Variants in LARGE1 observed in about 807,000 individuals in gnomAD.
The protein encoded by LARGE1 is xylosyl- and glucuronyltransferase LARGE1.
A neutral mutation model predicts 87.6 loss-of-function variants in LARGE1; 43 were observed. That is an observed-to-expected ratio of 0.49 (90% CI 0.38 to 0.63). The LOEUF is 0.63. LARGE1 is among the 30% of genes least tolerant of loss of function. The probability of loss-of-function intolerance (pLI) is 0.00; values close to 1 mark genes in which losing one functional copy is unlikely to be tolerated. For missense variants in LARGE1, 802 were observed against 1,000.2 expected (o/e 0.80, Z 2.67); for synonymous variants, 434 against 394.6 (o/e 1.10, Z -1.18).
chr22:33,226,036 C>G (rs1925716913), intron 11 of LARGE1, among the ~76,000 whole-genome samples: 1 of 152,150 alleles, frequency 6.6e-6, no homozygotes, highest in African/African-American at 2.4e-5. Flanking sequence ...ATGCATGAGT[C>G]TTTATGGTAG....
At chr22:33,751,041 A>G (rs1381626503) in intron 2 of LARGE1, among the ~76,000 whole-genome samples, 2 of 152,240 alleles carry the variant, frequency 1.3e-5, no homozygotes, top group South Asian at 4.1e-4. Context: ...AACCTACAAA[A>G]TCACTTCAAA....
intron 6 of LARGE1, among the ~76,000 whole-genome samples, chr22:33,530,773 A>G (rs2072158862): frequency 6.6e-6 from 1 of 152,230 alleles, no homozygotes; most frequent in African/African-American, 2.4e-5. Flanking sequence ...CTGTGTGATG[A>G]ACTGTCATGC....
intron 2 of LARGE1, among the ~76,000 whole-genome samples, chr22:33,748,768 A>G (rs991591681): frequency 6.6e-5 from 10 of 152,180 alleles, no homozygotes; most frequent in Non-Finnish European, 1.2e-4. Context: ...GAAATAATTT[A>G]ATTTTCTCCA....
chr22:33,302,519 C>G (rs1934292600), intron 12 of LARGE1, among the ~76,000 whole-genome samples: 1 of 152,146 alleles, frequency 6.6e-6, no homozygotes, highest in African/African-American at 2.4e-5. Flanking sequence ...TGACCTTGCT[C>G]CAGACAGCGC....
At chr22:33,293,275 T>C (rs780780837) in intron 12 of LARGE1, among the ~76,000 whole-genome samples, 2 of 152,236 alleles carry the variant, frequency 1.3e-5, no homozygotes, top group Non-Finnish European at 2.9e-5. Context: ...CTTACATGCA[T>C]TGAGTTTCAA....
intron 1 of LARGE1, among the ~76,000 whole-genome samples, chr22:33,787,131 T>G (rs1253465169): frequency 1.3e-5 from 2 of 152,174 alleles, no homozygotes; most frequent in Non-Finnish European, 2.9e-5. Flanking sequence ...AATGGCATGC[T>G]ATACTTCCAC....
chr22:33,509,899 C>T (rs1038949593), intron 6 of LARGE1, among the ~76,000 whole-genome samples: 1 of 152,180 alleles, frequency 6.6e-6, no homozygotes, highest in African/African-American at 2.4e-5. Context: ...TTTACCTGGG[C>T]TTCACCAACC....
At chr22:33,730,999 A>ATTT (rs376692050) in intron 2 of LARGE1, among the ~76,000 whole-genome samples, 3 of 115,942 alleles carry the variant, frequency 2.6e-5, no homozygotes, top group South Asian at 2.7e-4. Flanking sequence ...CCAGCCTGCA[A>ATTT]TTTTTTTTTT....
chr22:33,204,833 T>A (rs184111280), intron 11 of LARGE1, among the ~76,000 whole-genome samples: 1 of 152,108 alleles, frequency 6.6e-6, no homozygotes, highest in South Asian at 2.1e-4. Context: ...GGAATTACTA[T>A]AGAAGGGTTC....
At chr22:33,670,540 G>A (rs2081379790) in intron 2 of LARGE1, among the ~76,000 whole-genome samples, 1 of 152,090 alleles carries the variant, frequency 6.6e-6, no homozygotes. Context: ...GGCACCGCAG[G>A]ATACTTTAAA....
At chr22:33,605,098 T>G (rs1047122477) in intron 4 of LARGE1, among the ~76,000 whole-genome samples, 2 of 151,756 alleles carry the variant, frequency 1.3e-5, no homozygotes, top group African/African-American at 2.4e-5. Context: ...CTGTCCTCAC[T>G]TTTAATATTT....
intron 1 of LARGE1, among the ~76,000 whole-genome samples, chr22:33,769,177 T>C (rs2084992557): frequency 1.3e-5 from 2 of 152,126 alleles, no homozygotes; most frequent in Admixed American, 1.3e-4. Context: ...CGGACTAGGG[T>C]TGGCTCTGAT....
chr22:33,573,800 T>C (rs1475874030), intron 5 of LARGE1, among the ~76,000 whole-genome samples: 1 of 152,208 alleles, frequency 6.6e-6, no homozygotes, highest in Non-Finnish European at 1.5e-5. Flanking sequence ...GTCATCTGAA[T>C]ACTTGCTCTG....
chr22:33,094,195 G>T, the LARGE1 span, among the ~76,000 whole-genome samples: 1 of 152,050 alleles, frequency 6.6e-6, no homozygotes, highest in African/African-American at 2.4e-5. Context: ...TAACCATTTC[G>T]ATATGGGAGC....
At chr22:33,718,902 T>C (rs1476700187) in intron 2 of LARGE1, among the ~76,000 whole-genome samples, 1 of 152,206 alleles carries the variant, frequency 6.6e-6, no homozygotes, top group African/African-American at 2.4e-5. Context: ...GCGATTCTCC[T>C]GCCTCAGCCT....
chr22:33,403,678 A>G (rs1278698929), intron 7 of LARGE1, among the ~76,000 whole-genome samples: 1 of 151,706 alleles, frequency 6.6e-6, no homozygotes. Context: ...ATCTCGGCTC[A>G]CTGCAACCTC....
intron 1 of LARGE1, among the ~76,000 whole-genome samples, chr22:33,804,379 C>T (rs2086249468): frequency 6.6e-6 from 1 of 152,176 alleles, no homozygotes; most frequent in Admixed American, 6.5e-5. Flanking sequence ...ACCTTTCTAC[C>T]ATGGTCTTCA....
rs535817871 is a variant in LARGE1 at position 33,220,721 on chromosome 22, A to G, written c.1731-53889T>C. Among the ~76,000 whole-genome samples, 9 of 152,310 alleles carry G rather than the reference A, an allele frequency of 5.9e-5. No individual in the cohort carries two copies. The South Asian group carries it at 1.0e-3, about 18-fold the overall frequency. The stretch of plus-strand genomic sequence containing the variant: ...GACTACTGGGAGTCTGGTGTGTTCA[A>G]CAGAGGATGCAGCACAGAAAAGGAA... On this transcript the variant is annotated intron_variant, in intron 11 of 11. Transcript: ENST00000608642.
At chr22:33,492,477 T>C (rs1220532701) in intron 6 of LARGE1, among the ~76,000 whole-genome samples, 1 of 152,190 alleles carries the variant, frequency 6.6e-6, no homozygotes, top group Admixed American at 6.5e-5. Flanking sequence ...CCCTTTGAAA[T>C]GGAAAGTGCT....
Sources: allele counts gnomAD v4.1 joint callset (sites outside exome capture counted in the v4.1 genomes callset), GRCh38; gene constraint gnomAD v4.1.1; transcripts MANE v1.5; gene names NCBI Gene and HGNC (gene_info 2026-07-23, HGNC 2026-07-21).